The following PLEC variants were observed in gnomAD, a reference collection of about 807,000 sequenced individuals.
The protein encoded by PLEC is plectin.
A neutral mutation model predicts 392.8 loss-of-function variants in PLEC; 216 were observed. The ratio of observed to expected loss-of-function variants is 0.55; its 90% CI spans 0.49 to 0.62. The LOEUF (loss-of-function observed/expected upper bound fraction) is 0.62. Among genes scored for constraint, PLEC ranks in the 20% least tolerant of loss-of-function variants. The probability of loss-of-function intolerance (pLI) is 0.00; values close to 1 mark genes in which losing one functional copy is unlikely to be tolerated. For missense variants in PLEC, 6,863 were observed against 6,563.4 expected, an observed-to-expected ratio of 1.05 and a Z score of -1.58; for synonymous variants, 3,621 against 2,980.6, an observed-to-expected ratio of 1.21 and a Z score of -7.00.
chr8:143,971,154 G>A (rs1434906594), intron 1 of PLEC, among the ~76,000 whole-genome samples: 1 of 152,184 alleles, frequency 6.6e-6, no homozygotes, highest in Non-Finnish European at 1.5e-5. Flanking sequence ...GTTGTGGGGT[G>A]GGGGGTGAAG....
chr8:143,973,814 C>T (rs1204244773), upstream of PLEC, among the ~76,000 whole-genome samples: 1 of 151,894 alleles, frequency 6.6e-6, no homozygotes, highest in African/African-American at 2.4e-5. This position sits in a 1 kb window ranked among gnomAD's most constrained non-coding sequence, Gnocchi z 5.6. Context: ...TGTTCCCCGC[C>T]GGGCCGGCGA....
At chr8:143,926,689 G>A (rs528840173) in intron 30 of PLEC, 95 bp downstream of exon 30, 18 of 1,027,440 alleles carry the variant, frequency 1.8e-5, no homozygotes, top group Admixed American at 5.1e-5. Context: ...GGAGGGCCAC[G>A]AGAGGTGGCC....
Position 143,921,613 on chromosome 8 carries a change from T to C in PLEC, c.8208A>G (p.Ser2736=). ...TCCGCACAGGGTCCAGCAGGAAGCC[T>C]GAGGCCGCCTGCGCCTCCAGCAGGA... ...ALILLEAQAA[S]GFLLDPVRNR... Residue 2736 remains serine (S), a synonymous_variant, in exon 32 of 32, where the codon TCA becomes TCG. Transcript: ENST00000345136. 2 of 1,612,750 alleles carry C rather than the reference T, an allele frequency of 1.2e-6. No individual in the cohort carries two copies. Among genetic ancestry groups the C allele is most frequent in the Non-Finnish European group, 1.7e-6 (2 of 1,179,810 alleles).
At chr8:143,955,944 C>CTTT (rs57462492), upstream of PLEC, among the ~76,000 whole-genome samples, 1 of 125,398 alleles carries the variant, frequency 8.0e-6, no homozygotes, top group African/African-American at 2.9e-5. Flanking sequence ...CCTAGGGAGA[C>CTTT]TTTTTTTTTT....
In PLEC at chr8:143,932,796, G is replaced by C; in HGVS notation, c.1734C>G (p.Asp578Glu). 1.9e-6 allele frequency: 3 copies of C among 1,612,184 alleles called. No individual in the cohort carries two copies. The highest frequency in any genetic ancestry group is 2.5e-6 in the Non-Finnish European group (3 of 1,179,764). The change falls in exon 14 of 32, where the codon GAC (aspartate) becomes GAG (glutamate). Residue 578 changes from aspartate to glutamate, a missense_variant. Physicochemically the swap from Asp to Glu is conservative, Grantham distance 45 (BLOSUM62 2). Coordinates refer to ENST00000345136, the MANE Select transcript of PLEC (RefSeq NM_201384.3). ...FRAKIERARSDEGQLSPATRG... is the reference protein window; with the variant it reads ...FRAKIERARSEEGQLSPATRG... The stretch of plus-strand genomic sequence containing the variant: ...CCCATCGCTCAGCGCCACCCACCTC[G>C]TCACTCCGTGCCCGCTCGATCTTGG...
chr8:143,928,086 T>C, intron 25 of PLEC, 94 bp from the exon 26 acceptor site: 4 of 1,465,424 alleles, frequency 2.7e-6, no homozygotes, highest in Non-Finnish European at 1.8e-6. Flanking sequence ...GGGTGCTGCC[T>C]GCCAAGCCCA....
intron 1 of PLEC, among the ~76,000 whole-genome samples, chr8:143,948,644 G>A (rs1367842805): frequency 6.6e-6 from 1 of 152,222 alleles, no homozygotes; most frequent in Admixed American, 6.5e-5. Context: ...TGGGGGGACT[G>A]AGTCACCTCC....
Position 143,927,878 on chromosome 8 carries a change from G to C in PLEC, c.3375C>G (p.Leu1125=), listed in dbSNP as rs782733038. The change falls in exon 26 of 32, where the codon CTC becomes CTG. Residue 1125 remains leucine (L), a synonymous_variant. Coordinates refer to ENST00000345136, the MANE Select transcript of PLEC (RefSeq NM_201384.3). ...AQAVPATLPE[L]EATKASLKKL... The stretch of plus-strand genomic sequence containing the variant: ...CCTTCAGAGAGGCCTTGGTGGCCTC[G>C]AGCTCCGGGAGGGTGGCCGGCACGG... 29 of 1,590,176 alleles carry C rather than the reference G, an allele frequency of 1.8e-5. No homozygotes were observed. Among genetic ancestry groups the C allele is most frequent in the Non-Finnish European group, 2.2e-5 (26 of 1,169,052 alleles).
intron 1 of PLEC, among the ~76,000 whole-genome samples, chr8:143,968,029 G>A (rs1461514191): frequency 1.3e-5 from 2 of 151,922 alleles, no homozygotes; most frequent in African/African-American, 4.8e-5. Context: ...TCGGCGGACA[G>A]AGGCAGGAGA....
Position 143,931,576 on chromosome 8 carries a change from G to T in PLEC, c.2262C>A (p.Ser754=), listed in dbSNP as rs782261639. Residue 754 remains serine, a synonymous_variant, in exon 19 of 32, where the codon TCC becomes TCA. Transcript: ENST00000345136. The part of the protein sequence containing the change: ...ALRRKYSCDR[S]ATVTRLEDLL... ...GGTCCTCCAGCCGGGTGACGGTGGC[G>T]GAGCGATCACAACTGTATTTCCTAC... 6.3e-7 allele frequency: 1 copy of T among 1,597,492 alleles called. No homozygotes were observed. Among genetic ancestry groups the T allele is most frequent in the Non-Finnish European group, 8.5e-7 (1 of 1,172,332 alleles).
In PLEC at chr8:143,922,609, C is replaced by G. The variant is rs1554689985; in HGVS notation, c.7320G>C (p.Gln2440His). The change falls in exon 31 of 32, where the codon CAG becomes CAC. Residue 2440 changes from glutamine (Q) to histidine (H), a missense_variant. By Grantham distance (24) the Gln-to-His change is conservative (BLOSUM62 0). Coordinates refer to ENST00000345136, the MANE Select transcript of PLEC (RefSeq NM_201384.3). Reference protein sequence around the residue: ...LVQTLEIQRQQSDHDAERLRE... With the variant: ...LVQTLEIQRQHSDHDAERLRE... ...GCAGGCGCTCGGCATCATGGTCACTCTGCTGTCGCTGGATCTCCAGTGTCT... is the reference window on the plus strand; with the variant it reads ...GCAGGCGCTCGGCATCATGGTCACTGTGCTGTCGCTGGATCTCCAGTGTCT... The G allele has an allele frequency of 1.9e-6, 3 of 1,613,688 alleles. No individual in the cohort carries two copies. The highest frequency in any genetic ancestry group is 1.7e-6 in the Non-Finnish European group (2 of 1,180,000).
Position 143,925,721 on chromosome 8 carries a change from C to T in PLEC, c.4208G>A (p.Arg1403Gln), listed in dbSNP as rs1554703818. The change falls in exon 31 of 32, where the codon CGG becomes CAG. Residue 1403 changes from arginine (R) to glutamine (Q), a missense_variant. By Grantham distance (43) the Arg-to-Gln change is conservative. Transcript: ENST00000345136. ...LQQRMQEEVV[R>Q]REEAAVDAQQ... ...CGCGTCCACCGCCGCCTCCTCCCGC[C>T]GCACCACCTCCTCCTGCATGCGCTG... 19 of 1,595,554 alleles carry T rather than the reference C, an allele frequency of 1.2e-5. No homozygotes were observed. Among genetic ancestry groups the T allele is most frequent in the East Asian group, 2.2e-5 (1 of 44,776 alleles).
At position 143,920,690 on chromosome 8, in the gene PLEC, A is replaced by G; in HGVS notation, c.9131T>C (p.Leu3044Pro). ...AGQKLSIYNA[L>P]KKDLLPSDMA... ...GTCGGATGGCAGCAGGTCTTTCTTC[A>G]GGGCATTGTAGATACTCAGCTTCTG... Residue 3044 changes from leucine (L) to proline (P), a missense_variant, in exon 32 of 32, where the codon CTG becomes CCG. Physicochemically the swap from Leu to Pro is moderately conservative, Grantham distance 98 (BLOSUM62 -3). Coordinates refer to ENST00000345136, the MANE Select transcript of PLEC (RefSeq NM_201384.3). 2 of 1,602,736 alleles carry G rather than the reference A, an allele frequency of 1.2e-6. No individual in the cohort carries two copies. The highest frequency in any genetic ancestry group is 1.7e-6 in the Non-Finnish European group (2 of 1,179,870).
In PLEC at chr8:143,918,253, G is replaced by C. The variant is rs1821236695; in HGVS notation, c.11568C>G (p.Ser3856Arg). The change falls in exon 32 of 32, where the codon AGC becomes AGG. Residue 3856 changes from serine (S) to arginine (R), a missense_variant. Transcript: ENST00000345136. ...YVDPSTDERL[S>R]YTQLLRRCRR... ...GGCACCGCCTGAGCAGCTGCGTGTA[G>C]CTGAGGCGCTCGTCGGTGGACGGGT... 6.3e-7 allele frequency: 1 copy of C among 1,591,906 alleles called. No homozygotes were observed. Among genetic ancestry groups the C allele is most frequent in the Middle Eastern group, 1.8e-4 (1 of 5,500 alleles).
Position 143,930,172 on chromosome 8 carries a change from T to C in PLEC, c.2584A>G (p.Asn862Asp), listed in dbSNP as rs1554713077. The C allele has an allele frequency of 6.3e-7, 1 of 1,581,756 alleles. No homozygotes were observed. Among genetic ancestry groups the C allele is most frequent in the Non-Finnish European group, 8.5e-7 (1 of 1,170,018 alleles). ...PSVCFLVPPPNQEAQEAVTRL... is the reference protein window; with the variant it reads ...PSVCFLVPPPDQEAQEAVTRL... ...GTGACGGCCTCCTGGGCCTCCTGGT[T>C]GGGCGGGGGCACCAGGAAGCACACG... Residue 862 changes from asparagine to aspartate, a missense_variant, in exon 21 of 32, where the codon AAC (asparagine) becomes GAC (aspartate). Physicochemically the swap from Asn to Asp is conservative, Grantham distance 23. Coordinates refer to ENST00000345136, the MANE Select transcript of PLEC (RefSeq NM_201384.3).
Position 143,924,633 on chromosome 8 carries a change from C to T in PLEC, c.5296G>A (p.Val1766Met). 1 of 1,538,952 alleles carries T rather than the reference C, an allele frequency of 6.5e-7. No individual in the cohort carries two copies. Residue 1766 changes from valine to methionine, a missense_variant, in exon 31 of 32, where the codon GTG becomes ATG. Physicochemically the swap from Val to Met is conservative, Grantham distance 21. Transcript: ENST00000345136. ...GCCCTCGCCTTGCTGGCCAGCAGCA[C>T]CTCCATCTCGGCCCGCACCTTGGCC... Reference protein sequence around the residue: ...ELAKVRAEMEVLLASKARAEE... With the variant: ...ELAKVRAEMEMLLASKARAEE...
In PLEC at chr8:143,930,446, G is replaced by C; in HGVS notation, c.2395C>G (p.Pro799Ala). The change falls in exon 20 of 32, where the codon CCA becomes GCA. Residue 799 changes from proline (P) to alanine (A), a missense_variant. By Grantham distance (27) the Pro-to-Ala change is conservative (BLOSUM62 -1). Coordinates refer to ENST00000345136, the MANE Select transcript of PLEC (RefSeq NM_201384.3). ...KAVVQLKPRH[P>A]AHPMRGRLPL... is the part of the protein sequence containing the mutation. ...AGGCGGCCCCGCATGGGGTGGGCTG[G>C]GTGGCGGGGCTTCAGCTGCACGACG... is the stretch of plus-strand genomic sequence containing the variant. The C allele has an allele frequency of 6.3e-7, 1 of 1,578,024 alleles. No homozygotes were observed. Among genetic ancestry groups the C allele is most frequent in the Non-Finnish European group, 8.6e-7 (1 of 1,162,792 alleles).
At chr8:143,932,317 C>G in intron 16 of PLEC, 83 bp from the exon 17 acceptor site, 1 of 1,607,692 alleles carries the variant, frequency 6.2e-7, no homozygotes, top group Non-Finnish European at 8.5e-7. Context: ...CCAGGGCCCC[C>G]ACTGGTCTCT....
At chr8:143,956,724 C>T (rs931316600), upstream of PLEC, among the ~76,000 whole-genome samples, 1 of 138,590 alleles carries the variant, frequency 7.2e-6, no homozygotes, top group Non-Finnish European at 1.7e-5. Flanking sequence ...CCATGGTCAC[C>T]TGTGGTCTCC....
Sources: gnomAD v4.1 joint callset for allele counts (sites outside exome capture counted in the v4.1 genomes callset) on GRCh38, gnomAD v4.1.1 for gene constraint, Gnocchi (gnomAD v3.1) non-coding constraint, MANE v1.5 for transcripts, NCBI Gene and HGNC (gene_info 2026-07-23, HGNC 2026-07-21) for gene names.